CHST9: variants seen among roughly 807,000 people sequenced by gnomAD.
CHST9 encodes the protein carbohydrate sulfotransferase 9.
Under a neutral mutation model 44.4 loss-of-function variants are expected in CHST9, and 41 were observed. The observed-to-expected ratio is 0.92, with a 90% CI of 0.72 to 1.20. The LOEUF (loss-of-function observed/expected upper bound fraction) is 1.20. Among genes scored for constraint, CHST9 ranks in the 50% most tolerant of loss-of-function variants. The probability of loss-of-function intolerance (pLI) is 0.00; values close to 1 mark genes in which losing one functional copy is unlikely to be tolerated. For synonymous variants in CHST9, 171 were observed against 178.4 expected (o/e 0.96, Z 0.33); for missense variants, 504 against 516.5 (o/e 0.98, Z 0.23).
At chr18:26,988,797 A>C (rs2056783379) in intron 4 of CHST9, among the ~76,000 whole-genome samples, 1 of 152,298 alleles carries the variant, frequency 6.6e-6, no homozygotes, top group South Asian at 2.1e-4. Context: ...TCCATAAAAC[A>C]ACTCTCAATA....
At chr18:27,024,288 G>A in intron 3 of CHST9, 131 bp from the exon 4 acceptor site, 1 of 693,130 alleles carries the variant, frequency 1.4e-6, no homozygotes, top group Non-Finnish European at 2.4e-6. Flanking sequence ...GGAAGGGAGA[G>A]GGTCATGAAA....
intron 3 of CHST9, among the ~76,000 whole-genome samples, chr18:27,045,544 T>A (rs1197603321): frequency 6.6e-6 from 1 of 152,002 alleles, no homozygotes; most frequent in Non-Finnish European, 1.5e-5. Context: ...ATTGATGACA[T>A]CAGGTATTTG....
Position 26,912,822 on chromosome 18 carries a change from G to C in CHST9, c.*3437C>G, listed in dbSNP as rs1055031558. 6.6e-6 allele frequency: 1 copy of C among 152,214 alleles called. No homozygotes were observed. Among genetic ancestry groups the C allele is most frequent in the South Asian group, 2.1e-4 (1 of 4,830 alleles). The allele number at this position is 152,214 out of a possible 1,614,324, so 9.4% of individuals were successfully genotyped here. On this transcript the variant is annotated 3_prime_UTR_variant, in exon 6 of 6. Transcript: ENST00000618847. Reference sequence around the variant, plus strand: ...AATGATCATGATTGAGATTGAGAAGGTATGAGCCTAAATGTAGGACTAAAT... The same window carrying C: ...AATGATCATGATTGAGATTGAGAAGCTATGAGCCTAAATGTAGGACTAAAT...
intron 5 of CHST9, among the ~76,000 whole-genome samples, chr18:26,926,275 A>G (rs2055766268): frequency 6.6e-6 from 1 of 152,222 alleles, no homozygotes; most frequent in Non-Finnish European, 1.5e-5. Flanking sequence ...AAGGATTGAA[A>G]CTATGGTTTT....
chr18:27,137,304 A>ATATG (rs1422240359), intron 2 of CHST9, among the ~76,000 whole-genome samples: 8 of 145,486 alleles, frequency 5.5e-5, no homozygotes, highest in African/African-American at 2.0e-4. Flanking sequence ...TTATTTATAT[A>ATATG]TGTGTGTGTG....
chr18:27,088,661 G>C (rs1208169693), intron 2 of CHST9, among the ~76,000 whole-genome samples: 2 of 151,978 alleles, frequency 1.3e-5, no homozygotes, highest in Non-Finnish European at 2.9e-5. Context: ...CAAAGTGCTG[G>C]GATTATAGGT....
chr18:27,111,953 A>G (rs1021181605), intron 2 of CHST9, among the ~76,000 whole-genome samples: 1 of 152,014 alleles, frequency 6.6e-6, no homozygotes, highest in African/African-American at 2.4e-5. Flanking sequence ...AAATTATACC[A>G]TCAGCTTTCC....
At chr18:27,086,724 C>G (rs1045625834) in intron 2 of CHST9, among the ~76,000 whole-genome samples, 5 of 152,176 alleles carry the variant, frequency 3.3e-5, no homozygotes, top group African/African-American at 1.2e-4. Flanking sequence ...AACACATACA[C>G]ATAAAATAAT....
chr18:26,944,290 A>C (rs765391712), intron 5 of CHST9, 39 bp downstream of exon 5: 1 of 1,525,006 alleles, frequency 6.6e-7, no homozygotes, highest in Non-Finnish European at 9.1e-7. Context: ...ACATTGAAAC[A>C]AAATTCTATA....
chr18:27,000,523 C>T (rs2056936450), intron 4 of CHST9, among the ~76,000 whole-genome samples: 1 of 152,148 alleles, frequency 6.6e-6, no homozygotes, highest in African/African-American at 2.4e-5. Flanking sequence ...GACGTGGAAA[C>T]ATAAGATGAA....
chr18:27,141,742 T>TA (rs35595422), intron 2 of CHST9, among the ~76,000 whole-genome samples: 1,267 of 121,990 alleles, frequency 0.01, 19 homozygotes, highest in African/African-American at 0.032. Context: ...TAGAATAACT[T>TA]AAAAAAAAAA....
rs1056204027 is a variant in CHST9 at position 27,045,833 on chromosome 18, C to T, written c.160+2632G>A. 5.9e-5 allele frequency among the ~76,000 whole-genome samples: 9 copies of T among 152,054 alleles called. 1 individual carries two copies. Among genetic ancestry groups the T allele is most frequent in the South Asian group, 4.1e-4 (2 of 4,824 alleles). On this transcript the variant is annotated intron_variant, in intron 3 of 5. Coordinates refer to ENST00000618847, the MANE Select transcript of CHST9 (RefSeq NM_031422.6). The stretch of plus-strand genomic sequence containing the variant: ...TAGCCCGGACTGCAATCAGTGTAGA[C>T]GGACTCTAAATAGAAGTCACTAAAT...
At chr18:27,162,478 G>A (rs1481065374) in intron 1 of CHST9, among the ~76,000 whole-genome samples, 2 of 152,124 alleles carry the variant, frequency 1.3e-5, no homozygotes, top group Admixed American at 6.5e-5. Context: ...CAAGAGATCC[G>A]CTGTTAGTCT....
intron 3 of CHST9, among the ~76,000 whole-genome samples, chr18:27,039,247 A>C (rs557773213): frequency 6.6e-6 from 1 of 152,324 alleles, no homozygotes; most frequent in East Asian, 1.9e-4. Context: ...AATTCAAAAT[A>C]GTCAAGAGGT....
At chr18:27,099,875 G>T (rs1359798319) in intron 2 of CHST9, among the ~76,000 whole-genome samples, 5 of 151,916 alleles carry the variant, frequency 3.3e-5, no homozygotes, top group Admixed American at 3.3e-4. Flanking sequence ...TCCATTACTG[G>T]CTATATACCC....
At chr18:27,176,640 G>C (rs1354257761) in intron 1 of CHST9, among the ~76,000 whole-genome samples, 1 of 151,952 alleles carries the variant, frequency 6.6e-6, no homozygotes, top group Non-Finnish European at 1.5e-5. Flanking sequence ...CTACAAGTGG[G>C]CAATGTAGAG....
intron 1 of CHST9, among the ~76,000 whole-genome samples, chr18:27,176,568 CAT>C (rs2058870060): frequency 6.6e-6 from 1 of 151,976 alleles, no homozygotes; most frequent in Non-Finnish European, 1.5e-5. Flanking sequence ...TTGATTTTGA[CAT>C]GTTTCATTTG....
chr18:26,986,391 A>C (rs2056755396), intron 4 of CHST9, among the ~76,000 whole-genome samples: 1 of 152,168 alleles, frequency 6.6e-6, no homozygotes, highest in Non-Finnish European at 1.5e-5. Context: ...ATTATCAAAA[A>C]CAAAAACACA....
chr18:27,164,918 A>G (rs556608293), intron 1 of CHST9, among the ~76,000 whole-genome samples: 34 of 152,348 alleles, frequency 2.2e-4, no homozygotes, highest in African/African-American at 8.2e-4. Context: ...TGTGTAAAAT[A>G]AACATTTTCA....
Sources: allele counts gnomAD v4.1 joint callset (sites outside exome capture counted in the v4.1 genomes callset), GRCh38; gene constraint gnomAD v4.1.1; transcripts MANE v1.5; gene names NCBI Gene and HGNC (gene_info 2026-07-23, HGNC 2026-07-21).